FNIP2: variants seen among roughly 807,000 people sequenced by gnomAD.
The protein encoded by FNIP2 is folliculin interacting protein 2.
A neutral mutation model predicts 108.7 loss-of-function variants in FNIP2; 32 were observed. That is an observed-to-expected ratio of 0.29 (90% CI 0.22 to 0.40). FNIP2 has a LOEUF of 0.40. Ranked by LOEUF, FNIP2 falls within the 10% of genes least tolerant of loss-of-function variation. The pLI is 1.00. For missense variants in FNIP2, 1,202 were observed against 1,381.6 expected, an observed-to-expected ratio of 0.87 and a Z score of 2.06; for synonymous variants, 480 against 496.7, an observed-to-expected ratio of 0.97 and a Z score of 0.45.
intron 1 of FNIP2, among the ~76,000 whole-genome samples, chr4:158,821,564 C>T (rs974077987): frequency 6.6e-6 from 1 of 152,216 alleles, no homozygotes; most frequent in Non-Finnish European, 1.5e-5. Context: ...CTACCAATAG[C>T]TCAAGTCCTG....
rs146679744 is a variant in FNIP2 at position 158,798,792 on chromosome 4, T to TAACACA, written c.108-27123_108-27118dup. 6.0e-4 allele frequency among the ~76,000 whole-genome samples: 91 copies of TAACACA among 152,356 alleles called. 2 individuals carry two copies. The East Asian group carries it at 0.016, about 26-fold the overall frequency. ...TCCCATTTGGTGGCTTGTGTAATTATAACACAGATTAATGAATAACTCTTA... is the reference window on the plus strand; with the variant it reads ...TCCCATTTGGTGGCTTGTGTAATTATAACACAAACACAGATTAATGAATAACTCTTA... On this transcript the variant is annotated intron_variant, in intron 1 of 16. Transcript: ENST00000264433.
chr4:158,898,324 CT>C (rs1454048021), intron 16 of FNIP2, among the ~76,000 whole-genome samples: 4 of 152,142 alleles, frequency 2.6e-5, no homozygotes, highest in Non-Finnish European at 5.9e-5. Context: ...TATGCAGGCT[CT>C]TTTTTGGTTC....
intron 1 of FNIP2, among the ~76,000 whole-genome samples, chr4:158,780,314 T>C (rs1164909539): frequency 6.6e-6 from 1 of 152,232 alleles, no homozygotes; most frequent in Non-Finnish European, 1.5e-5. Flanking sequence ...GACATAATTG[T>C]AGAATATGTA....
intron 16 of FNIP2, among the ~76,000 whole-genome samples, chr4:158,900,463 G>A (rs1166649309): frequency 6.6e-6 from 1 of 152,108 alleles, no homozygotes. Context: ...ATTATTGTGT[G>A]GGAGCCTAAG....
chr4:158,869,122 C>T lies in FNIP2; in HGVS notation c.2486C>T (p.Thr829Met), dbSNP rs184078227. The T allele has an allele frequency of 5.9e-5, 95 of 1,613,764 alleles. 1 individual carries two copies. In the Middle Eastern group the frequency reaches 9.9e-4, roughly 17 times the overall value. Residue 829 changes from threonine (T) to methionine (M), a missense_variant, in exon 13 of 17, where the codon ACG becomes ATG. Thr to Met is a moderately conservative substitution (Grantham distance 81). Transcript: ENST00000264433. ...LGTASHGAGG[T>M]GGRRLEATRG... ...ACAGCCTCCCACGGTGCAGGAGGAA[C>T]GGGAGGGAGGAGGCTGGAGGCCACT...
At chr4:158,780,761 G>A (rs940465954) in intron 1 of FNIP2, among the ~76,000 whole-genome samples, 10 of 152,134 alleles carry the variant, frequency 6.6e-5, no homozygotes, top group Admixed American at 3.9e-4. Context: ...AGCTGAGTGC[G>A]GTGGCTCACG....
intron 1 of FNIP2, among the ~76,000 whole-genome samples, chr4:158,817,439 T>C (rs1777639255): frequency 6.6e-6 from 1 of 152,244 alleles, no homozygotes; most frequent in Admixed American, 6.5e-5. Flanking sequence ...AGATCATCTA[T>C]TCTAAATCAC....
rs1729664848 is a variant in FNIP2 at position 158,904,605 on chromosome 4, A to AAGGAATAAGCTCTCTGTGAT, written c.*62_*81dup. 4 of 1,382,712 alleles carry AAGGAATAAGCTCTCTGTGAT rather than the reference A, an allele frequency of 2.9e-6. No individual in the cohort carries two copies. The highest frequency in any genetic ancestry group is 4.1e-6 in the Non-Finnish European group (4 of 978,128). The allele number at this position is 1,382,712 out of a possible 1,614,324, so 85.7% of individuals were successfully genotyped here. On this transcript the variant is annotated 3_prime_UTR_variant, in exon 17 of 17. Coordinates refer to ENST00000264433, the MANE Select transcript of FNIP2 (RefSeq NM_020840.3). Reference sequence around the variant, plus strand: ...AAATCAAATTCTCAACTGAAGGAGAAAGGAATAAGCTCTCTGTGATGTCAA... The same window carrying AAGGAATAAGCTCTCTGTGAT: ...AAATCAAATTCTCAACTGAAGGAGAAAGGAATAAGCTCTCTGTGATAGGAATAAGCTCTCTGTGATGTCAA...
At chr4:158,780,351 A>G (rs1191367546) in intron 1 of FNIP2, among the ~76,000 whole-genome samples, 2 of 152,264 alleles carry the variant, frequency 1.3e-5, no homozygotes, top group Admixed American at 6.5e-5. Context: ...GAAATCTTTT[A>G]GAAATCTTTT....
chr4:158,892,488 C>G (rs1041066682), intron 15 of FNIP2, among the ~76,000 whole-genome samples: 3 of 152,112 alleles, frequency 2.0e-5, no homozygotes, highest in African/African-American at 7.2e-5. Context: ...CCCCCAGCCA[C>G]TGGAATTAAC....
chr4:158,786,887 T>G (rs2126440773), intron 1 of FNIP2, among the ~76,000 whole-genome samples: 1 of 152,268 alleles, frequency 6.6e-6, no homozygotes, highest in Admixed American at 6.5e-5. Context: ...TTTAACTGAC[T>G]AGGATGAAGT....
At position 158,871,876 on chromosome 4, in the gene FNIP2, A is replaced by G. The variant is rs1314938654; in HGVS notation, c.2949+1407A>G. 10 of 985,318 alleles carry G rather than the reference A, an allele frequency of 1.0e-5. No homozygotes were observed. The African/African-American group carries it at 1.7e-4, about 17-fold the overall frequency. 61.0% of individuals were successfully genotyped at this position (985,318 alleles called of 1,614,324 possible). A position where few individuals can be genotyped will look rare whatever the true frequency, so the allele number is the denominator to read the frequency against. ...TCATTGTATAATGCTAAGTTGTCCA[A>G]AACGATGTCTGATGCTTTGGCAATT... On this transcript the variant is annotated intron_variant, in intron 14 of 16. Coordinates refer to ENST00000264433, the MANE Select transcript of FNIP2 (RefSeq NM_020840.3).
intron 1 of FNIP2, among the ~76,000 whole-genome samples, chr4:158,800,686 A>G (rs1427938794): frequency 6.6e-6 from 1 of 152,160 alleles, no homozygotes; most frequent in Non-Finnish European, 1.5e-5. Flanking sequence ...GCGTTCTGAT[A>G]TTGTTTTTCT....
intron 1 of FNIP2, among the ~76,000 whole-genome samples, chr4:158,782,990 A>G (rs778013225): frequency 1.3e-5 from 2 of 152,178 alleles, no homozygotes; most frequent in Non-Finnish European, 2.9e-5. Flanking sequence ...CTTCAAATCC[A>G]GTTTGTATTG....
At chr4:158,825,773 C>G (rs1778120452) in intron 1 of FNIP2, 143 bp from the exon 2 acceptor site, 1 of 990,526 alleles carries the variant, frequency 1.0e-6, no homozygotes, top group Admixed American at 2.3e-5. Flanking sequence ...TCACTGGTGC[C>G]CCAGTTCTGA....
chr4:158,875,802 T>C (rs1781248961), intron 14 of FNIP2, among the ~76,000 whole-genome samples: 1 of 152,110 alleles, frequency 6.6e-6, no homozygotes, highest in Admixed American at 6.5e-5. Context: ...CCTCTAGCAC[T>C]GTCTTCTATA....
intron 1 of FNIP2, among the ~76,000 whole-genome samples, chr4:158,786,988 T>C (rs947706530): frequency 1.3e-5 from 2 of 152,252 alleles, no homozygotes; most frequent in South Asian, 4.1e-4. Context: ...GCTTTTTTTT[T>C]TTAATCTCTA....
At chr4:158,880,447 G>A (rs1290360296) in intron 14 of FNIP2, among the ~76,000 whole-genome samples, 1 of 152,096 alleles carries the variant, frequency 6.6e-6, no homozygotes, top group Non-Finnish European at 1.5e-5. Flanking sequence ...GTGGTGGAGT[G>A]GGGGGAGTGG....
At chr4:158,874,229 T>C (rs1023198692) in intron 14 of FNIP2, among the ~76,000 whole-genome samples, 26 of 152,224 alleles carry the variant, frequency 1.7e-4, no homozygotes, top group South Asian at 2.1e-4. Flanking sequence ...TAAGTTTGAA[T>C]CATGGTTCAC....
Sources: allele counts gnomAD v4.1 joint callset (sites outside exome capture counted in the v4.1 genomes callset), GRCh38; gene constraint gnomAD v4.1.1; transcripts MANE v1.5; gene names NCBI Gene and HGNC (gene_info 2026-07-23, HGNC 2026-07-21).